The following MEI1 variants were observed in gnomAD, a reference collection of about 807,000 sequenced individuals.
The protein encoded by MEI1 is meiotic double-stranded break formation protein 1.
Under a neutral mutation model 146.2 loss-of-function variants are expected in MEI1, and 103 were observed. The observed-to-expected ratio is 0.70, with a 90% confidence interval of 0.60 to 0.83. MEI1 has a LOEUF of 0.83. Among genes scored for constraint, MEI1 ranks in the 40% least tolerant of loss-of-function variants. MEI1 has a pLI of 0.00. For synonymous variants in MEI1, 652 were observed against 628.2 expected (o/e 1.04, Z -0.57); for missense variants, 1,529 against 1,533.0 (o/e 1.00, Z 0.04).
intron 3 of MEI1, among the ~76,000 whole-genome samples, chr22:41,706,434 T>C (rs2147239046): frequency 6.6e-6 from 1 of 152,298 alleles, no homozygotes; most frequent in East Asian, 1.9e-4. Context: ...GGAGAAGAGA[T>C]TGACTGACAG....
In MEI1 at chr22:41,730,405, T is replaced by C. The variant is rs77976299; in HGVS notation, c.980-116T>C. The C allele has an allele frequency of 1.8e-3, 1,227 of 681,936 alleles. 14 individuals carry two copies. In the African/African-American group the frequency reaches 0.02, roughly 11 times the overall value. 42.2% of individuals were successfully genotyped at this position (681,936 alleles called of 1,614,324 possible). A position where few individuals can be genotyped will look rare whatever the true frequency, so the allele number is the denominator to read the frequency against. ...GATCATGACTCATGGAGAGGATATG[T>C]GAACAGATGAAGTAGCAAGAGTAAG... On this transcript the variant is annotated intron_variant, in intron 8 of 30. Transcript: ENST00000401548.
At chr22:41,756,922 A>G (rs1398321609) in intron 17 of MEI1, among the ~76,000 whole-genome samples, 1 of 152,224 alleles carries the variant, frequency 6.6e-6, no homozygotes, top group African/African-American at 2.4e-5. Flanking sequence ...TGCAGATTAC[A>G]TCACATAGTT....
intron 11 of MEI1, among the ~76,000 whole-genome samples, chr22:41,737,372 G>T (rs552274127): frequency 0.013 from 1,943 of 151,742 alleles, 17 homozygotes; most frequent in Non-Finnish European, 0.022. Context: ...GAGTAGCTGG[G>T]ACTACAGGCG....
intron 17 of MEI1, among the ~76,000 whole-genome samples, chr22:41,757,010 C>G (rs2074133319): frequency 6.6e-6 from 1 of 152,232 alleles, no homozygotes; most frequent in Non-Finnish European, 1.5e-5. Flanking sequence ...TCTTCTCATG[C>G]CTTCAGGCCT....
rs1375714978 is a variant in MEI1, at chr22:41,758,509, A to G, written c.2096A>G (p.Tyr699Cys). The change falls in exon 18 of 31, where the codon TAC becomes TGC. Residue 699 changes from tyrosine (Y) to cysteine (C), a missense_variant. Physicochemically the swap from Tyr to Cys is radical, Grantham distance 194. This residue lies in a region of MEI1 where 1,212 missense variants were observed against 1,178.9 expected (regional missense o/e 1.03). Transcript: ENST00000401548. ...CAGTACTGCATCCTGCTCCTCTTCTACTTGGCCTACATCCATGAAGACAGG... is the reference window on the plus strand; with the variant it reads ...CAGTACTGCATCCTGCTCCTCTTCTGCTTGGCCTACATCCATGAAGACAGG... ...QRQYCILLLF[Y>C]LAYIHEDRFV... 2.5e-6 allele frequency: 4 copies of G among 1,613,330 alleles called. No homozygotes were observed. The highest frequency in any genetic ancestry group is 2.7e-5 in the African/African-American group (2 of 75,006).
Position 41,784,754 on chromosome 22 carries a change from G to C in MEI1, c.3316G>C (p.Val1106Leu). 1 of 1,611,344 alleles carries C rather than the reference G, an allele frequency of 6.2e-7. No individual in the cohort carries two copies. Among genetic ancestry groups the C allele is most frequent in the Non-Finnish European group, 8.5e-7 (1 of 1,178,640 alleles). The change falls in exon 26 of 31, where the codon GTC becomes CTC. Residue 1106 changes from valine to leucine, a missense_variant. Physicochemically the swap from Val to Leu is conservative, Grantham distance 32. This residue lies in a region of MEI1 where 313 missense variants were observed against 337.3 expected (regional missense o/e 0.93). Transcript: ENST00000401548. Reference sequence around the variant, plus strand: ...GCGAATGTCGCAAGTCCGGTCCCTGGTCATTGGGCTGCAGAACCTCCTGGT... The same window carrying C: ...GCGAATGTCGCAAGTCCGGTCCCTGCTCATTGGGCTGCAGAACCTCCTGGT... ...PLRMSQVRSL[V>L]IGLQNLLVQK...
chr22:41,780,581 C>CTTTTT (rs1245310767), intron 22 of MEI1, among the ~76,000 whole-genome samples: 7 of 134,312 alleles, frequency 5.2e-5, no homozygotes, highest in African/African-American at 8.8e-5. Context: ...TTTTTCTTTT[C>CTTTTT]TTTTTTTTTT....
At position 41,700,784 on chromosome 22, in the gene MEI1, G is replaced by C. The variant is rs566076664; in HGVS notation, c.174+1072G>C. ...TTTTTTTTTTTTTTTTTGTAGAAAC[G>C]GTCCCGGGGGTCTCCCTGTGTTGCC... is the stretch of plus-strand genomic sequence containing the variant. On this transcript the variant is annotated intron_variant, in intron 1 of 30. Coordinates refer to ENST00000401548, the MANE Select transcript of MEI1 (RefSeq NM_152513.4). Among the ~76,000 whole-genome samples the C allele has an allele frequency of 8.8e-5, 12 of 136,740 alleles. No individual in the cohort carries two copies. In the South Asian group the frequency reaches 2.4e-3, roughly 28 times the overall value. 89.7% of individuals were successfully genotyped at this position (136,740 alleles called of 152,430 possible).
intron 15 of MEI1, 149 bp downstream of exon 15, chr22:41,748,367 G>C (rs2073485866): frequency 3.1e-6 from 2 of 649,464 alleles, no homozygotes; most frequent in Non-Finnish European, 2.8e-6. Flanking sequence ...ATGAGTGAAA[G>C]GAAGTGTCAG....
At chr22:41,731,031 C>G (rs1382086027) in intron 9 of MEI1, among the ~76,000 whole-genome samples, 1 of 149,896 alleles carries the variant, frequency 6.7e-6, no homozygotes, top group Non-Finnish European at 1.5e-5. Flanking sequence ...TTTCTTGAAA[C>G]TGTCCTTCCT....
At chr22:41,774,968 T>G (rs1430288711) in intron 20 of MEI1, among the ~76,000 whole-genome samples, 2 of 152,170 alleles carry the variant, frequency 1.3e-5, no homozygotes, top group Admixed American at 1.3e-4. Context: ...TGTAGCCATA[T>G]CTCTCTGTGT....
At chr22:41,790,332 G>A (rs970848769) in intron 26 of MEI1, among the ~76,000 whole-genome samples, 1 of 152,116 alleles carries the variant, frequency 6.6e-6, no homozygotes, top group African/African-American at 2.4e-5. Flanking sequence ...TGATCTGCCT[G>A]CCTTGGCATC....
intron 11 of MEI1, among the ~76,000 whole-genome samples, chr22:41,733,184 T>C (rs1336347500): frequency 6.6e-6 from 1 of 150,964 alleles, no homozygotes; most frequent in Non-Finnish European, 1.5e-5. Context: ...ACATGGTGGC[T>C]CACACCTGTA....
At chr22:41,761,101 C>T (rs2074457530) in intron 18 of MEI1, among the ~76,000 whole-genome samples, 1 of 152,006 alleles carries the variant, frequency 6.6e-6, no homozygotes, top group South Asian at 2.1e-4. Context: ...CACCTGAGTT[C>T]AGGAGTTCAA....
chr22:41,758,671 C>T (rs568667271), intron 18 of MEI1, 138 bp downstream of exon 18: 56 of 848,936 alleles, frequency 6.6e-5, no homozygotes, highest in Admixed American at 3.2e-4. Flanking sequence ...GGGTTGTGTC[C>T]CTGAGAGGCT....
In MEI1 at chr22:41,770,689, A is replaced by G. The variant is rs781311432; in HGVS notation, c.2272A>G (p.Met758Val). ...CCTTTCTTTGTTTTGCCTCCAGACT[A>G]TGGTCAGTGCAATCAGAAAATTCCT... is the stretch of plus-strand genomic sequence containing the variant. Reference protein sequence around the residue: ...QDKDNTLRETMVSAIRKFLEG... With the variant: ...QDKDNTLRETVVSAIRKFLEG... Residue 758 changes from methionine to valine, a missense_variant, in exon 20 of 31, where the codon ATG (methionine) becomes GTG (valine). By Grantham distance (21) the Met-to-Val change is conservative (BLOSUM62 1). Coordinates refer to ENST00000401548, the MANE Select transcript of MEI1 (RefSeq NM_152513.4). The G allele has an allele frequency of 1.9e-6, 3 of 1,613,236 alleles. No individual in the cohort carries two copies. The highest frequency in any genetic ancestry group is 2.2e-5 in the East Asian group (1 of 44,868).
chr22:41,776,963 T>A (rs1177668727), intron 21 of MEI1, among the ~76,000 whole-genome samples: 1 of 151,088 alleles, frequency 6.6e-6, no homozygotes, highest in African/African-American at 2.4e-5. Context: ...TACAGGTGTG[T>A]GCCACGACAC....
intron 19 of MEI1, among the ~76,000 whole-genome samples, chr22:41,765,172 C>G (rs1200629563): frequency 1.3e-5 from 2 of 152,158 alleles, no homozygotes; most frequent in African/African-American, 4.8e-5. Context: ...TGTGCCACCA[C>G]GCCCAGCTAA....
At chr22:41,737,346 C>T (rs2072464486) in intron 11 of MEI1, among the ~76,000 whole-genome samples, 1 of 150,656 alleles carries the variant, frequency 6.6e-6, no homozygotes, top group Admixed American at 6.6e-5. Context: ...ACGCCATTCT[C>T]CTGCCTCAGT....
Sources: allele counts gnomAD v4.1 joint callset (sites outside exome capture counted in the v4.1 genomes callset), GRCh38; gene constraint gnomAD v4.1.1; regional missense constraint gnomAD v4.1.1; transcripts MANE v1.5; gene names NCBI Gene and HGNC (gene_info 2026-07-23, HGNC 2026-07-21).